AGPAT4: variants seen among roughly 807,000 people sequenced by gnomAD.
AGPAT4 encodes 1-acylglycerol-3-phosphate O-acyltransferase 4, also known as 1-acyl-sn-glycerol-3-phosphate acyltransferase delta.
A neutral mutation model predicts 48.0 loss-of-function variants in AGPAT4; 15 were observed. The observed-to-expected ratio is 0.31, with a 90% CI of 0.21 to 0.48. The LOEUF (loss-of-function observed/expected upper bound fraction) is 0.48. AGPAT4 is among the 20% of genes least tolerant of loss of function. The probability of loss-of-function intolerance (pLI) is 0.99; values close to 1 mark genes in which losing one functional copy is unlikely to be tolerated. For missense variants in AGPAT4, 314 were observed against 482.5 expected, an observed-to-expected ratio of 0.65 and a Z score of 3.27; for synonymous variants, 178 against 198.7, an observed-to-expected ratio of 0.90 and a Z score of 0.88.
In AGPAT4 at chr6:161,169,415, A is replaced by T. The variant is rs1222145494; in HGVS notation, c.179-2998T>A. On this transcript the variant is annotated intron_variant, in intron 2 of 8. Coordinates refer to ENST00000320285, the MANE Select transcript of AGPAT4 (RefSeq NM_020133.3). The surrounding 1 kb of genome is among the most constrained non-coding windows in gnomAD (Gnocchi z 5.0). Reference sequence around the variant, plus strand: ...CACCTCAGCAGGCTGCTCACTAGACAACTAAACTCTGAACCTCACTGGATA... The same window carrying T: ...CACCTCAGCAGGCTGCTCACTAGACTACTAAACTCTGAACCTCACTGGATA... 1.3e-5 allele frequency among the ~76,000 whole-genome samples: 2 copies of T among 152,196 alleles called. No individual in the cohort carries two copies. Among genetic ancestry groups the T allele is most frequent in the Non-Finnish European group, 2.9e-5 (2 of 68,038 alleles).
In AGPAT4 at chr6:161,216,785, G is replaced by A. The variant is rs1239442338; in HGVS notation, c.178+15251C>T. 6.6e-6 allele frequency among the ~76,000 whole-genome samples: 1 copy of A among 152,144 alleles called. No homozygotes were observed. The highest frequency in any genetic ancestry group is 1.5e-5 in the Non-Finnish European group (1 of 68,032). ...ACCCCTGATAAACCCATCAGATCTC[G>A]TGAGACTTACTATCACGAGACTAGC... On this transcript the variant is annotated intron_variant, in intron 2 of 8. Transcript: ENST00000320285. The surrounding 1 kb of genome is among the most constrained non-coding windows in gnomAD (Gnocchi z 4.8).
intron 2 of AGPAT4, among the ~76,000 whole-genome samples, chr6:161,203,381 CTTTTTTT>C (rs10585542): frequency 1.4e-4 from 15 of 110,762 alleles, no homozygotes; most frequent in Admixed American, 4.6e-4. Context: ...CTTTTTCTTT[CTTTTTTT>C]TTTTTTTTTT....
rs1396773741 is a variant in AGPAT4 at position 161,180,876 on chromosome 6, G to T, written c.179-14459C>A. On this transcript the variant is annotated intron_variant, in intron 2 of 8. Transcript: ENST00000320285. The surrounding 1 kb of genome is among the most constrained non-coding windows in gnomAD (Gnocchi z 6.4). The stretch of plus-strand genomic sequence containing the variant: ...TGATAAATAAAGCCAAAACAGATTT[G>T]GTTTTATTATATTTGCCATTGTGCT... Among the ~76,000 whole-genome samples the T allele has an allele frequency of 1.3e-5, 2 of 151,996 alleles. No homozygotes were observed. Among genetic ancestry groups the T allele is most frequent in the South Asian group, 2.1e-4 (1 of 4,810 alleles).
rs58550351 is a variant in AGPAT4 at position 161,240,221 on chromosome 6, TACACACACACACACACACACACAC to T, written c.-89-7943_-89-7920del. Among the ~76,000 whole-genome samples the T allele has an allele frequency of 1.4e-5, 2 of 144,332 alleles. No homozygotes were observed. The highest frequency in any genetic ancestry group is 3.0e-5 in the Non-Finnish European group (2 of 65,986). The allele number at this position is 144,332 out of a possible 152,430, so 94.7% of individuals were successfully genotyped here. The stretch of plus-strand genomic sequence containing the variant: ...CACTAACAGCAGATATCTTTGTGTA[TACACACACACACACACACACACAC>T]ACACACACACACACACACACACTTA... On this transcript the variant is annotated intron_variant, in intron 1 of 8. Coordinates refer to ENST00000320285, the MANE Select transcript of AGPAT4 (RefSeq NM_020133.3). This position sits in a 1 kb window ranked among gnomAD's most constrained non-coding sequence, Gnocchi z 5.5.
At chr6:161,230,739 G>C (rs763504647) in intron 2 of AGPAT4, among the ~76,000 whole-genome samples, 3 of 152,208 alleles carry the variant, frequency 2.0e-5, no homozygotes, top group Non-Finnish European at 2.9e-5. Flanking sequence ...CAACAGGCCA[G>C]AGACAAATAG....
rs1349707211 is a variant in AGPAT4, at chr6:161,270,897, A to G, written c.-90+3041T>C. On this transcript the variant is annotated intron_variant, in intron 1 of 8. Transcript: ENST00000320285. This position sits in a 1 kb window ranked among gnomAD's most constrained non-coding sequence, Gnocchi z 5.3. ...TACCAAACCCTCATTTGAGCATCCA[A>G]TAATTTAAAACAATGGCAATGGCAG... Among the ~76,000 whole-genome samples, 3 of 152,356 alleles carry G rather than the reference A, an allele frequency of 2.0e-5. No individual in the cohort carries two copies. Among genetic ancestry groups the G allele is most frequent in the African/African-American group, 7.2e-5 (3 of 41,578 alleles).
rs932858438 is a variant in AGPAT4, at chr6:161,142,325, C to T, written c.844-2705G>A. ...CTCTGGCAGCAGAATGTCCGTGGCC[C>T]ATCTTGGTTGTGGACCCGTTTTGTA... is the stretch of plus-strand genomic sequence containing the variant. On this transcript the variant is annotated intron_variant, in intron 7 of 8. Coordinates refer to ENST00000320285, the MANE Select transcript of AGPAT4 (RefSeq NM_020133.3). The surrounding 1 kb of genome is among the most constrained non-coding windows in gnomAD (Gnocchi z 6.4). 6.6e-6 allele frequency among the ~76,000 whole-genome samples: 1 copy of T among 152,180 alleles called. No homozygotes were observed. The highest frequency in any genetic ancestry group is 1.5e-5 in the Non-Finnish European group (1 of 68,034).
chr6:161,249,121 G>A lies in AGPAT4; in HGVS notation c.-89-16819C>T, dbSNP rs1289747892. On this transcript the variant is annotated intron_variant, in intron 1 of 8. Coordinates refer to ENST00000320285, the MANE Select transcript of AGPAT4 (RefSeq NM_020133.3). The surrounding 1 kb of genome is among the most constrained non-coding windows in gnomAD (Gnocchi z 6.2). ...GATAACTGGCTAGCTATATGCAGAA[G>A]ATTGAAACTGGACACCTTCCTTATG... Among the ~76,000 whole-genome samples the A allele has an allele frequency of 1.3e-5, 2 of 152,174 alleles. No individual in the cohort carries two copies. The highest frequency in any genetic ancestry group is 6.5e-5 in the Admixed American group (1 of 15,282).
rs1780546677 is a variant in AGPAT4 at position 161,180,269 on chromosome 6, G to A, written c.179-13852C>T. Among the ~76,000 whole-genome samples, 1 of 152,120 alleles carries A rather than the reference G, an allele frequency of 6.6e-6. No homozygotes were observed. On this transcript the variant is annotated intron_variant, in intron 2 of 8. Transcript: ENST00000320285. This position sits in a 1 kb window ranked among gnomAD's most constrained non-coding sequence, Gnocchi z 6.4. ...TGCTCCTTCCTCGCTCCAGTGGGTG[G>A]GCCCAGCTCCTCTCTGCAGCCCATC...
At chr6:161,263,002 C>T (rs1215142188) in intron 1 of AGPAT4, among the ~76,000 whole-genome samples, 1 of 152,026 alleles carries the variant, frequency 6.6e-6, no homozygotes, top group Non-Finnish European at 1.5e-5. Context: ...GGCGAGTGAC[C>T]AGAGGCAGAA....
intron 2 of AGPAT4, among the ~76,000 whole-genome samples, chr6:161,172,911 G>A (rs951146243): frequency 6.7e-6 from 1 of 150,244 alleles, no homozygotes; most frequent in African/African-American, 2.5e-5. Context: ...TTCTGTCCTT[G>A]CAATAGTTTG....
In AGPAT4 at chr6:161,238,515, C is replaced by T. The variant is rs1332576492; in HGVS notation, c.-89-6213G>A. On this transcript the variant is annotated intron_variant, in intron 1 of 8. Transcript: ENST00000320285. This position sits in a 1 kb window ranked among gnomAD's most constrained non-coding sequence, Gnocchi z 5.2. Reference sequence around the variant, plus strand: ...ACCTGTAATGTGTTAAAGCATCCTCCCCCATATGTTTTCATTCTAACCTAT... The same window carrying T: ...ACCTGTAATGTGTTAAAGCATCCTCTCCCATATGTTTTCATTCTAACCTAT... Among the ~76,000 whole-genome samples, 1 of 152,184 alleles carries T rather than the reference C, an allele frequency of 6.6e-6. No individual in the cohort carries two copies. The highest frequency in any genetic ancestry group is 1.9e-4 in the East Asian group (1 of 5,196).
In AGPAT4 at chr6:161,206,987, G is replaced by C. The variant is rs1417254364; in HGVS notation, c.178+25049C>G. Among the ~76,000 whole-genome samples, 1 of 152,146 alleles carries C rather than the reference G, an allele frequency of 6.6e-6. No homozygotes were observed. Among genetic ancestry groups the C allele is most frequent in the Non-Finnish European group, 1.5e-5 (1 of 68,028 alleles). On this transcript the variant is annotated intron_variant, in intron 2 of 8. Transcript: ENST00000320285. The surrounding 1 kb of genome is among the most constrained non-coding windows in gnomAD (Gnocchi z 4.8). ...GCTCATCTGGACAACAGAGAAAATA[G>C]GCTGAAAAATAGTCCTTTCAGTTAT... is the stretch of plus-strand genomic sequence containing the variant.
intron 5 of AGPAT4, among the ~76,000 whole-genome samples, chr6:161,152,826 T>C (rs947551120): frequency 6.6e-6 from 1 of 152,088 alleles, no homozygotes; most frequent in African/African-American, 2.4e-5. Context: ...ACACAGAGGG[T>C]GTTTCTGAAC....
At chr6:161,167,605 C>G (rs1780142418) in intron 2 of AGPAT4, among the ~76,000 whole-genome samples, 1 of 152,206 alleles carries the variant, frequency 6.6e-6, no homozygotes. Context: ...CATCCCTACC[C>G]TACAGGCAGG....
At chr6:161,237,326 G>A (rs1298395484) in intron 1 of AGPAT4, among the ~76,000 whole-genome samples, 1 of 152,218 alleles carries the variant, frequency 6.6e-6, no homozygotes, top group Non-Finnish European at 1.5e-5. Flanking sequence ...AAAAGTGTTG[G>A]CTATGAGTCT....
At chr6:161,258,629 T>A (rs946249962) in intron 1 of AGPAT4, among the ~76,000 whole-genome samples, 1 of 152,056 alleles carries the variant, frequency 6.6e-6, no homozygotes, top group East Asian at 1.9e-4. Context: ...CCTATATATG[T>A]TGGGAGATGG....
intron 2 of AGPAT4, among the ~76,000 whole-genome samples, chr6:161,203,543 C>G (rs904220923): frequency 2.8e-4 from 42 of 151,834 alleles, no homozygotes; most frequent in African/African-American, 8.0e-4. Flanking sequence ...CGCCTGCCAC[C>G]AAGCCCAGCT....
At position 161,225,612 on chromosome 6, in the gene AGPAT4, C is replaced by A. The variant is rs1781956959; in HGVS notation, c.178+6424G>T. Among the ~76,000 whole-genome samples the A allele has an allele frequency of 6.6e-6, 1 of 152,166 alleles. No homozygotes were observed. The highest frequency in any genetic ancestry group is 1.5e-5 in the Non-Finnish European group (1 of 68,040). ...GCTTTTCGTCAGTTTCTGGAAGCAA[C>A]CCCGCTAGCCCATCACTGGTGGAAG... On this transcript the variant is annotated intron_variant, in intron 2 of 8. Transcript: ENST00000320285. This position sits in a 1 kb window ranked among gnomAD's most constrained non-coding sequence, Gnocchi z 5.0.
Sources: allele counts gnomAD v4.1 joint callset (sites outside exome capture counted in the v4.1 genomes callset), GRCh38; gene constraint gnomAD v4.1.1; non-coding constraint Gnocchi (gnomAD v3.1); transcripts MANE v1.5; gene names NCBI Gene and HGNC (gene_info 2026-07-23, HGNC 2026-07-21).